The following COL11A1 variants were observed in gnomAD, a reference collection of about 807,000 sequenced individuals.
The protein encoded by COL11A1 is collagen alpha-1(XI) chain.
Under a neutral mutation model 265.2 loss-of-function variants are expected in COL11A1, and 74 were observed. The ratio of observed to expected loss-of-function variants is 0.28; its 90% CI spans 0.23 to 0.34. The LOEUF (loss-of-function observed/expected upper bound fraction) is 0.34. Ranked by LOEUF, COL11A1 falls within the 10% of genes least tolerant of loss-of-function variation. COL11A1 has a pLI of 1.00. For synonymous variants in COL11A1, 816 were observed against 727.6 expected (o/e 1.12, Z -1.96); for missense variants, 2,165 against 2,263.6 (o/e 0.96, Z 0.88).
intron 57 of COL11A1, among the ~76,000 whole-genome samples, chr1:102,894,931 A>G (rs1427657881): frequency 6.6e-6 from 1 of 152,128 alleles, no homozygotes; most frequent in Non-Finnish European, 1.5e-5. Flanking sequence ...GTGAGCCACC[A>G]TGCCCAACCC....
At chr1:103,046,115 A>G (rs1026420584) in intron 4 of COL11A1, among the ~76,000 whole-genome samples, 6 of 151,458 alleles carry the variant, frequency 4.0e-5, no homozygotes, top group Non-Finnish European at 8.8e-5. Flanking sequence ...ATGATTTATA[A>G]TCCTTTAGGT....
At chr1:102,990,152 T>G (rs1663988953) in intron 28 of COL11A1, among the ~76,000 whole-genome samples, 1 of 152,070 alleles carries the variant, frequency 6.6e-6, no homozygotes, top group Non-Finnish European at 1.5e-5. Context: ...GCTACTGTAC[T>G]CAAGCCTGGT....
intron 46 of COL11A1, among the ~76,000 whole-genome samples, chr1:102,932,470 C>G (rs956013016): frequency 6.6e-6 from 1 of 152,182 alleles, no homozygotes; most frequent in Non-Finnish European, 1.5e-5. Context: ...CGCTGTTAGT[C>G]TGATGGGCTT....
At chr1:102,935,717 G>C (rs1357159850) in intron 44 of COL11A1, among the ~76,000 whole-genome samples, 1 of 152,094 alleles carries the variant, frequency 6.6e-6, no homozygotes, top group Non-Finnish European at 1.5e-5. Flanking sequence ...TTAGTAACGG[G>C]TCAGGCAATA....
At chr1:103,067,857 A>G (rs898723459) in intron 4 of COL11A1, among the ~76,000 whole-genome samples, 2 of 151,446 alleles carry the variant, frequency 1.3e-5, no homozygotes, top group African/African-American at 2.4e-5. Context: ...GTTGAACTAG[A>G]AAAATTTCTT....
intron 1 of COL11A1, among the ~76,000 whole-genome samples, chr1:103,084,423 G>A (rs1672694279): frequency 6.6e-6 from 1 of 151,958 alleles, no homozygotes; most frequent in South Asian, 2.1e-4. Flanking sequence ...TGAACACAAT[G>A]TTCACTGCAG....
chr1:103,099,777 C>G (rs544813475), intron 1 of COL11A1, among the ~76,000 whole-genome samples: 2 of 151,672 alleles, frequency 1.3e-5, no homozygotes, highest in Non-Finnish European at 1.5e-5. Flanking sequence ...TCAGTGGCAC[C>G]TTTGGAGAGA....
At chr1:103,082,750 A>G in intron 2 of COL11A1, 55 bp downstream of exon 2, 5 of 1,468,696 alleles carry the variant, frequency 3.4e-6, no homozygotes, top group South Asian at 2.4e-5. Context: ...TAGTAGTAAC[A>G]AAAGTGTAAT....
chr1:102,984,043 A>AT, intron 31 of COL11A1, 95 bp downstream of exon 31: 1 of 915,328 alleles, frequency 1.1e-6, no homozygotes, highest in Non-Finnish European at 1.7e-6. Context: ...AGTACTCATG[A>AT]TAATATAGAG....
chr1:102,890,102 C>A (rs1292201681), intron 58 of COL11A1, among the ~76,000 whole-genome samples: 1 of 152,056 alleles, frequency 6.6e-6, no homozygotes, highest in Non-Finnish European at 1.5e-5. Context: ...AAAGATATTT[C>A]TAGTTTAAAA....
chr1:103,047,632 A>G (rs1018980427), intron 4 of COL11A1, among the ~76,000 whole-genome samples: 3 of 152,170 alleles, frequency 2.0e-5, no homozygotes, highest in Admixed American at 6.5e-5. Flanking sequence ...CAGAACTTCC[A>G]ACGCTATGTT....
chr1:102,981,519 G>A (rs897661116), intron 31 of COL11A1, among the ~76,000 whole-genome samples: 16 of 151,910 alleles, frequency 1.1e-4, no homozygotes, highest in African/African-American at 3.1e-4. Flanking sequence ...ATATACTTAC[G>A]TAGAGTTTCT....
At chr1:102,910,850 T>C (rs1025404395) in intron 54 of COL11A1, among the ~76,000 whole-genome samples, 3 of 152,050 alleles carry the variant, frequency 2.0e-5, no homozygotes, top group Admixed American at 6.6e-5. Context: ...CCACATTATA[T>C]AGCATCCCAC....
In COL11A1 at chr1:103,022,742, G is replaced by T. The variant is rs371490794; in HGVS notation, c.1245C>A (p.Ser415Arg). 10 of 1,613,306 alleles carry T rather than the reference G, an allele frequency of 6.2e-6. No individual in the cohort carries two copies. Among genetic ancestry groups the T allele is most frequent in the African/African-American group, 1.3e-5 (1 of 74,870 alleles). Residue 415 changes from serine (S) to arginine (R), a missense_variant and splice_region_variant, in exon 8 of 67, where the codon AGC becomes AGA. Ser to Arg is a moderately radical substitution (Grantham distance 110). Coordinates refer to ENST00000370096, the MANE Select transcript of COL11A1 (RefSeq NM_001854.4). ...GACACAGTGCATAGTATCAACTTACGCTTGTTTCTGTAATATCAGTTTCTG... is the reference window on the plus strand; with the variant it reads ...GACACAGTGCATAGTATCAACTTACTCTTGTTTCTGTAATATCAGTTTCTG... ...VPAETDITET[S>R]INGHGAYGEK...
At chr1:102,926,064 C>T (rs1432034349) in intron 46 of COL11A1, among the ~76,000 whole-genome samples, 2 of 151,590 alleles carry the variant, frequency 1.3e-5, no homozygotes, top group African/African-American at 4.8e-5. Flanking sequence ...AAAAATATCC[C>T]AATAGAAAAA....
intron 24 of COL11A1, chr1:103,001,119 G>C (rs905640795): frequency 2.5e-6 from 1 of 396,922 alleles, no homozygotes; most frequent in Non-Finnish European, 4.4e-6. Flanking sequence ...TAGGTCTGAG[G>C]GGGTGGAAAC....
chr1:102,881,644 A>G (rs1368722804), intron 65 of COL11A1, 53 bp downstream of exon 65: 14 of 1,350,270 alleles, frequency 1.0e-5, no homozygotes, highest in Non-Finnish European at 1.4e-5. Context: ...CATAATCAGA[A>G]TGTCACTTCT....
intron 36 of COL11A1, among the ~76,000 whole-genome samples, chr1:102,972,574 A>C (rs1232792038): frequency 6.6e-6 from 1 of 152,180 alleles, no homozygotes; most frequent in Non-Finnish European, 1.5e-5. Context: ...CAAACTATTA[A>C]CCAATGAAAT....
In COL11A1 at chr1:102,887,056, C is replaced by CCTTA; in HGVS notation, c.4609-1_4609insTAAG (p.Gly1537Ter). On this transcript the variant is annotated stop_gained and frameshift_variant and splice_region_variant. Coordinates refer to ENST00000370096, the MANE Select transcript of COL11A1 (RefSeq NM_001854.4). LOFTEE classifies it high-confidence loss of function. The stretch of plus-strand genomic sequence containing the variant: ...GGCTGAATGACTTCACCAGGTGGAC[C>CCTTA]CTGTAAAGAAGATAATGTGAGTGCA... The CCTTA allele has an allele frequency of 1.9e-6, 3 of 1,613,480 alleles. No homozygotes were observed. Among genetic ancestry groups the CCTTA allele is most frequent in the Non-Finnish European group, 2.5e-6 (3 of 1,179,732 alleles).
Sources: gnomAD v4.1 joint callset for allele counts (sites outside exome capture counted in the v4.1 genomes callset) on GRCh38, gnomAD v4.1.1 for gene constraint, MANE v1.5 for transcripts, NCBI Gene and HGNC (gene_info 2026-07-23, HGNC 2026-07-21) for gene names.